The following NCKAP5 variants were observed in gnomAD, a reference collection of about 807,000 sequenced individuals.
NCKAP5 encodes nck-associated protein 5.
Under a neutral mutation model 167.0 loss-of-function variants are expected in NCKAP5, and 92 were observed. The observed-to-expected ratio is 0.55, with a 90% confidence interval of 0.47 to 0.66. NCKAP5 has a LOEUF of 0.66. Among genes scored for constraint, NCKAP5 ranks in the 30% least tolerant of loss-of-function variants. NCKAP5 has a pLI of 0.00. For missense variants in NCKAP5, 2,378 were observed against 2,315.0 expected, an observed-to-expected ratio of 1.03 and a Z score of -0.56; for synonymous variants, 891 against 877.4, an observed-to-expected ratio of 1.02 and a Z score of -0.27.
intron 9 of NCKAP5, among the ~76,000 whole-genome samples, chr2:132,873,824 T>C (rs1691034968): frequency 6.6e-6 from 1 of 152,174 alleles, no homozygotes; most frequent in African/African-American, 2.4e-5. Context: ...TAAATATATA[T>C]GTGGGATTTG....
intron 11 of NCKAP5, among the ~76,000 whole-genome samples, chr2:132,849,224 GT>G (rs1415891805): frequency 6.7e-6 from 1 of 150,236 alleles, no homozygotes; most frequent in Non-Finnish European, 1.5e-5. Flanking sequence ...AAAGGATTCT[GT>G]GATCCAGCCA....
intron 7 of NCKAP5, among the ~76,000 whole-genome samples, chr2:132,982,399 A>C (rs975907645): frequency 6.6e-6 from 1 of 152,116 alleles, no homozygotes; most frequent in African/African-American, 2.4e-5. Context: ...TCTCCCTGAA[A>C]CTTTTTCTCA....
chr2:133,141,717 G>A (rs1386243851), intron 5 of NCKAP5, among the ~76,000 whole-genome samples: 1 of 152,134 alleles, frequency 6.6e-6, no homozygotes, highest in Non-Finnish European at 1.5e-5. Flanking sequence ...CCGTTTCATT[G>A]TGGAAAGTTT....
intron 3 of NCKAP5, among the ~76,000 whole-genome samples, chr2:133,366,831 G>A (rs1275590963): frequency 6.6e-6 from 1 of 152,084 alleles, no homozygotes; most frequent in Non-Finnish European, 1.5e-5. Context: ...ATAATCTGAA[G>A]TTGCAAAAAT....
At chr2:133,592,018 A>T in the NCKAP5 span, among the ~76,000 whole-genome samples, 27,817 of 151,646 alleles carry the variant, frequency 0.18, 2,790 homozygotes, top group Non-Finnish European at 0.22. Flanking sequence ...TTACACACAA[A>T]TGCACGTTTA....
chr2:133,486,333 G>T (rs1385290699), intron 3 of NCKAP5, among the ~76,000 whole-genome samples: 1 of 152,160 alleles, frequency 6.6e-6, no homozygotes, highest in East Asian at 1.9e-4. Context: ...TCAGTTCTTT[G>T]TTCAATTGCA....
At chr2:133,624,295 AT>A in the NCKAP5 span, among the ~76,000 whole-genome samples, 2 of 152,062 alleles carry the variant, frequency 1.3e-5, no homozygotes, top group South Asian at 4.1e-4. Context: ...TTAAAAATAA[AT>A]TTTTTAAAAA....
At chr2:133,505,877 C>T (rs1480702777) in intron 3 of NCKAP5, among the ~76,000 whole-genome samples, 21 of 152,178 alleles carry the variant, frequency 1.4e-4, no homozygotes, top group Admixed American at 2.6e-4. Flanking sequence ...GGAGCTGCAC[C>T]GCTCTCGTCA....
chr2:133,095,387 T>C (rs1165881910), intron 6 of NCKAP5, among the ~76,000 whole-genome samples: 1 of 152,214 alleles, frequency 6.6e-6, no homozygotes, highest in South Asian at 2.1e-4. Flanking sequence ...TCTTAGAATT[T>C]GGGTCAGGCT....
the NCKAP5 span, among the ~76,000 whole-genome samples, chr2:133,662,342 A>G: frequency 6.6e-6 from 1 of 151,926 alleles, no homozygotes; most frequent in South Asian, 2.1e-4. Context: ...CAAGTGTACA[A>G]AAGTGTTTTA....
chr2:132,736,627 A>G (rs1558990070), intron 16 of NCKAP5, among the ~76,000 whole-genome samples: 1 of 151,242 alleles, frequency 6.6e-6, no homozygotes, highest in Non-Finnish European at 1.5e-5. Context: ...AAAAATACAA[A>G]AAAAAAAAAA....
At position 132,751,280 on chromosome 2, in the gene NCKAP5, T is replaced by G. The variant is rs1163620242; in HGVS notation, c.5129-19229A>C. ...GAGCCTGGCACCTCTTCCTCTCTTC[T>G]TTCTTCTCTTGCCATGTGGTGCCTG... On this transcript the variant is annotated intron_variant, in intron 16 of 19. Coordinates refer to ENST00000409261, the MANE Select transcript of NCKAP5 (RefSeq NM_207363.3). Among the ~76,000 whole-genome samples, 10 of 152,192 alleles carry G rather than the reference T, an allele frequency of 6.6e-5. 1 individual carries two copies. The highest frequency in any genetic ancestry group is 2.4e-4 in the African/African-American group (10 of 41,546).
intron 3 of NCKAP5, among the ~76,000 whole-genome samples, chr2:133,304,084 A>T: frequency 6.6e-6 from 1 of 152,206 alleles, no homozygotes; most frequent in East Asian, 1.9e-4. Context: ...CCATTTCTAT[A>T]GATTTGAAAT....
intron 3 of NCKAP5, among the ~76,000 whole-genome samples, chr2:133,350,703 C>G (rs1235309021): frequency 1.3e-5 from 2 of 152,028 alleles, no homozygotes; most frequent in Non-Finnish European, 2.9e-5. Context: ...ATGGTCTGGT[C>G]CTGCCTACAC....
chr2:132,963,017 A>AG (rs2076563332), intron 8 of NCKAP5, among the ~76,000 whole-genome samples: 1 of 146,258 alleles, frequency 6.8e-6, no homozygotes, highest in Admixed American at 7.4e-5. Context: ...GTGAACTCAT[A>AG]GAAAAAAAAA....
chr2:133,096,553 A>G (rs1321885390), intron 6 of NCKAP5, among the ~76,000 whole-genome samples: 2 of 152,074 alleles, frequency 1.3e-5, no homozygotes, highest in African/African-American at 4.8e-5. Context: ...AAAATACAGT[A>G]CAATTCTTGA....
At chr2:133,033,245 T>C (rs2078937321) in intron 6 of NCKAP5, among the ~76,000 whole-genome samples, 2 of 152,298 alleles carry the variant, frequency 1.3e-5, no homozygotes, top group South Asian at 4.1e-4. Flanking sequence ...TCCTGGGTCT[T>C]AATTAAGACC....
At chr2:132,764,338 T>C (rs1681266239) in intron 16 of NCKAP5, among the ~76,000 whole-genome samples, 1 of 152,214 alleles carries the variant, frequency 6.6e-6, no homozygotes, top group Non-Finnish European at 1.5e-5. Context: ...AGATATCACA[T>C]GGTCCTGTTT....
At chr2:133,425,898 A>G (rs1426915476) in intron 3 of NCKAP5, among the ~76,000 whole-genome samples, 1 of 152,240 alleles carries the variant, frequency 6.6e-6, no homozygotes, top group Non-Finnish European at 1.5e-5. Flanking sequence ...AATTCCCTGA[A>G]GTGAACGAGG....
Sources: gnomAD v4.1 joint callset for allele counts (sites outside exome capture counted in the v4.1 genomes callset) on GRCh38, gnomAD v4.1.1 for gene constraint, MANE v1.5 for transcripts, NCBI Gene and HGNC (gene_info 2026-07-23, HGNC 2026-07-21) for gene names.